The following DACH2 variants were observed in gnomAD, a reference collection of about 807,000 sequenced individuals.
DACH2 encodes the protein dachshund homolog 2.
Under a neutral mutation model 35.8 loss-of-function variants are expected in DACH2, and 17 were observed. The observed-to-expected ratio is 0.48, with a 90% CI of 0.33 to 0.71. The LOEUF (loss-of-function observed/expected upper bound fraction) is 0.71. Ranked by LOEUF, DACH2 falls within the 30% of genes least tolerant of loss-of-function variation. The probability of loss-of-function intolerance (pLI) is 0.02; values close to 1 mark genes in which losing one functional copy is unlikely to be tolerated. For missense variants in DACH2, 469 were observed against 472.7 expected (o/e 0.99, Z 0.07); for synonymous variants, 195 against 177.3 (o/e 1.10, Z -0.79).
chrX:86,447,005 T>C (rs1305973645), intron 2 of DACH2, among the ~76,000 whole-genome samples: 1 of 67,314 alleles, frequency 1.5e-5, no homozygotes, highest in Non-Finnish European at 2.7e-5. Flanking sequence ...TGTGAGATGA[T>C]ATCTCATAGT....
At chrX:86,202,931 G>A (rs1318815785) in intron 1 of DACH2, among the ~76,000 whole-genome samples, 1 of 111,287 alleles carries the variant, frequency 9.0e-6, no homozygotes, top group East Asian at 2.8e-4. Flanking sequence ...TGTCTAATCG[G>A]ATTGATTAAA....
intron 2 of DACH2, among the ~76,000 whole-genome samples, chrX:86,478,896 C>T (rs1335805860): frequency 9.0e-6 from 1 of 111,246 alleles, no homozygotes; most frequent in Non-Finnish European, 1.9e-5. Flanking sequence ...AGATCCTCTG[C>T]CTTATTGCAA....
chrX:86,600,393 C>T lies in DACH2; in HGVS notation c.641-50643C>T, dbSNP rs144584950. ...TATGCTGTATATTTTGAGTATTATA[C>T]CAGTATTATTTAAAGTCTAGGCAGA... On this transcript the variant is annotated intron_variant, in intron 3 of 11. Coordinates refer to ENST00000373125, the MANE Select transcript of DACH2 (RefSeq NM_053281.3). 3.0e-3 allele frequency among the ~76,000 whole-genome samples: 339 copies of T among 111,556 alleles called. 2 individuals are homozygous for T. The highest frequency in any genetic ancestry group is 0.011 in the African/African-American group (326 of 30,741).
intron 3 of DACH2, among the ~76,000 whole-genome samples, chrX:86,648,798 ATC>A (rs2040444369): frequency 9.0e-6 from 1 of 111,154 alleles, no homozygotes; most frequent in Non-Finnish European, 1.9e-5. Context: ...AAAATAAAAA[ATC>A]AAATAAATTT....
intron 1 of DACH2, among the ~76,000 whole-genome samples, chrX:86,164,332 T>C (rs1267576352): frequency 8.9e-6 from 1 of 111,770 alleles, no homozygotes; most frequent in Non-Finnish European, 1.9e-5. Context: ...ATATTTGATA[T>C]TACCTTTATC....
intron 2 of DACH2, among the ~76,000 whole-genome samples, chrX:86,460,463 A>G (rs2037551371): frequency 9.0e-6 from 1 of 110,906 alleles, no homozygotes; most frequent in Admixed American, 9.7e-5. Context: ...CTACAGGTCA[A>G]ATTTCATTTT....
intron 1 of DACH2, among the ~76,000 whole-genome samples, chrX:86,371,003 G>A (rs995686996): frequency 1.8e-5 from 2 of 111,276 alleles, no homozygotes; most frequent in African/African-American, 6.5e-5. Context: ...GCTGTGAACA[G>A]TAATCCTATT....
intron 2 of DACH2, among the ~76,000 whole-genome samples, chrX:86,443,839 G>T (rs993225393): frequency 9.0e-6 from 1 of 111,433 alleles, no homozygotes; most frequent in Non-Finnish European, 1.9e-5. Flanking sequence ...TGCATGCCTG[G>T]GATGAATCCA....
chrX:86,732,730 G>A, intron 6 of DACH2, among the ~76,000 whole-genome samples: 1 of 112,198 alleles, frequency 8.9e-6, no homozygotes, highest in African/African-American at 3.2e-5. Flanking sequence ...TAAGTGCACA[G>A]CATGTATTAG....
At chrX:86,221,969 C>T (rs902665198) in intron 1 of DACH2, among the ~76,000 whole-genome samples, 1 of 111,892 alleles carries the variant, frequency 8.9e-6, no homozygotes, top group East Asian at 2.8e-4. Flanking sequence ...AAGAGAGAGA[C>T]CTCTCATGTC....
chrX:86,166,739 T>C (rs2030956604), intron 1 of DACH2, among the ~76,000 whole-genome samples: 1 of 111,525 alleles, frequency 9.0e-6, no homozygotes, highest in Admixed American at 9.5e-5. Flanking sequence ...ATATATTCCT[T>C]CTATCCCCAG....
chrX:86,407,691 G>A (rs1021716193), intron 2 of DACH2, among the ~76,000 whole-genome samples: 4 of 112,044 alleles, frequency 3.6e-5, no homozygotes, highest in African/African-American at 1.3e-4. Flanking sequence ...TTTTTTTAAG[G>A]CCTAGAGGCC....
intron 1 of DACH2, among the ~76,000 whole-genome samples, chrX:86,278,014 G>GC (rs1164632810): frequency 8.9e-6 from 1 of 111,839 alleles, no homozygotes; most frequent in Non-Finnish European, 1.9e-5. Flanking sequence ...ACTGGAGACA[G>GC]CCAGCTCAGT....
chrX:86,273,706 T>A (rs2033856200), intron 1 of DACH2, among the ~76,000 whole-genome samples: 1 of 112,116 alleles, frequency 8.9e-6, no homozygotes, highest in Non-Finnish European at 1.9e-5. Flanking sequence ...AGTATTATGG[T>A]TTTGTGGGGA....
At chrX:86,527,380 G>T (rs2038649360) in intron 3 of DACH2, among the ~76,000 whole-genome samples, 1 of 111,252 alleles carries the variant, frequency 9.0e-6, no homozygotes, top group Admixed American at 9.6e-5. Context: ...GGTAACCACT[G>T]ATCTGTATTC....
intron 1 of DACH2, among the ~76,000 whole-genome samples, chrX:86,372,654 C>T (rs1294128398): frequency 9.1e-6 from 1 of 110,477 alleles, no homozygotes; most frequent in Non-Finnish European, 1.9e-5. Flanking sequence ...GTAAAAATTT[C>T]AACCTTATTT....
intron 2 of DACH2, among the ~76,000 whole-genome samples, chrX:86,510,122 A>G (rs1447616812): frequency 1.8e-5 from 2 of 112,275 alleles, no homozygotes; most frequent in Non-Finnish European, 3.8e-5. Flanking sequence ...TATGATTTAT[A>G]TTAAATATCT....
chrX:86,807,049 G>A (rs1420315888), intron 7 of DACH2, among the ~76,000 whole-genome samples: 2 of 110,931 alleles, frequency 1.8e-5, no homozygotes, highest in Non-Finnish European at 3.8e-5. Context: ...ATGTCCTCTG[G>A]GCAACAAAAT....
chrX:86,713,271 C>T (rs756120935), intron 5 of DACH2, among the ~76,000 whole-genome samples: 1 of 111,136 alleles, frequency 9.0e-6, no homozygotes, highest in African/African-American at 3.3e-5. Context: ...CCATAGAATG[C>T]GAGAAAATCT....
Sources: gnomAD v4.1 joint callset for allele counts (sites outside exome capture counted in the v4.1 genomes callset) on GRCh38, gnomAD v4.1.1 for gene constraint, MANE v1.5 for transcripts, NCBI Gene and HGNC (gene_info 2026-07-23, HGNC 2026-07-21) for gene names.